The following ZPBP variants were observed in gnomAD, a reference collection of about 807,000 sequenced individuals.
ZPBP encodes the protein zona pellucida-binding protein 1.
A neutral mutation model predicts 44.8 loss-of-function variants in ZPBP; 26 were observed. That is an observed-to-expected ratio of 0.58 (90% CI 0.43 to 0.81). The LOEUF is 0.81. Among genes scored for constraint, ZPBP ranks in the 30% least tolerant of loss-of-function variants. The probability of loss-of-function intolerance (pLI) is 0.00; values close to 1 mark genes in which losing one functional copy is unlikely to be tolerated. For missense variants in ZPBP, 409 were observed against 434.0 expected, an observed-to-expected ratio of 0.94 and a Z score of 0.51; for synonymous variants, 174 against 153.2, an observed-to-expected ratio of 1.14 and a Z score of -1.00.
intron 2 of ZPBP, among the ~76,000 whole-genome samples, chr7:50,083,867 T>C (rs1367509627): frequency 6.6e-6 from 1 of 152,028 alleles, no homozygotes; most frequent in Non-Finnish European, 1.5e-5. Flanking sequence ...CAAGTAATTA[T>C]TTAAAGAAAA....
At chr7:49,950,769 A>G (rs1795307045) in intron 7 of ZPBP, among the ~76,000 whole-genome samples, 1 of 151,836 alleles carries the variant, frequency 6.6e-6, no homozygotes. Context: ...AGAAACAAAT[A>G]TAATTGCAAG....
At chr7:50,039,424 CA>C (rs909991195) in intron 4 of ZPBP, among the ~76,000 whole-genome samples, 3 of 151,062 alleles carry the variant, frequency 2.0e-5, no homozygotes, top group African/African-American at 4.9e-5. Flanking sequence ...AATCTACATG[CA>C]AAAAAAACAA....
At chr7:49,854,695 T>C (rs547819505) in intron 2 of ZPBP, among the ~76,000 whole-genome samples, 1 of 152,382 alleles carries the variant, frequency 6.6e-6, no homozygotes, top group African/African-American at 2.4e-5. Context: ...TTTCTTTTGC[T>C]GTGCAGAAGC....
At chr7:50,085,104 G>A (rs1802569535) in intron 2 of ZPBP, among the ~76,000 whole-genome samples, 1 of 152,048 alleles carries the variant, frequency 6.6e-6, no homozygotes, top group Non-Finnish European at 1.5e-5. Flanking sequence ...TCATCAGGCT[G>A]AGTACAAATC....
chr7:49,857,066 TAAC>T (rs1790456753), intron 2 of ZPBP, among the ~76,000 whole-genome samples: 1 of 143,166 alleles, frequency 7.0e-6, no homozygotes, highest in South Asian at 2.2e-4. Context: ...TCTACCTTCT[TAAC>T]AAATTTTTAG....
intron 5 of ZPBP, among the ~76,000 whole-genome samples, chr7:50,021,034 C>T (rs955683710): frequency 1.3e-5 from 2 of 152,024 alleles, no homozygotes; most frequent in African/African-American, 4.8e-5. Flanking sequence ...AAGAAACATA[C>T]ACACTGAAGA....
chr7:49,991,902 G>A (rs570322234), intron 6 of ZPBP, among the ~76,000 whole-genome samples: 1 of 151,898 alleles, frequency 6.6e-6, no homozygotes, highest in East Asian at 1.9e-4. Context: ...GAGGGTGGGA[G>A]AAAGGGAAGA....
chr7:49,866,154 C>T (rs543511324), intron 2 of ZPBP, among the ~76,000 whole-genome samples: 1 of 152,288 alleles, frequency 6.6e-6, no homozygotes, highest in Non-Finnish European at 1.5e-5. Context: ...CTAAGCCAAA[C>T]AATTCCTTCT....
intron 1 of ZPBP, among the ~76,000 whole-genome samples, chr7:49,930,857 T>C (rs1033098176): frequency 3.3e-5 from 5 of 152,238 alleles, no homozygotes; most frequent in Non-Finnish European, 7.3e-5. Flanking sequence ...CTTAACCATA[T>C]GATTTGGTTT....
chr7:49,954,764 C>CAATAAT lies in ZPBP; in HGVS notation c.962-17148_962-17143dup, dbSNP rs555096262. On this transcript the variant is annotated intron_variant, in intron 7 of 7. Coordinates refer to ENST00000046087, the MANE Select transcript of ZPBP (RefSeq NM_007009.3). ...CTAAAAGGAGAAATAGACAAATTCACAATAATAGCTAGGAATTTCAAACAT... is the reference window on the plus strand; with the variant it reads ...CTAAAAGGAGAAATAGACAAATTCACAATAATAATAATAGCTAGGAATTTCAAACAT... Among the ~76,000 whole-genome samples the CAATAAT allele has an allele frequency of 4.5e-3, 684 of 152,146 alleles. 3 individuals are homozygous for CAATAAT. Among genetic ancestry groups the CAATAAT allele is most frequent in the African/African-American group, 0.016 (647 of 41,532 alleles).
chr7:49,932,703 G>T (rs948508391), downstream of ZPBP, among the ~76,000 whole-genome samples: 7 of 152,100 alleles, frequency 4.6e-5, no homozygotes, highest in Non-Finnish European at 1.0e-4. Flanking sequence ...ATGAGATTTG[G>T]GAGGGGTCAC....
At position 50,089,390 on chromosome 7, in the gene ZPBP, G is replaced by C. The variant is rs114539143; in HGVS notation, c.208+239C>G. Among the ~76,000 whole-genome samples the C allele has an allele frequency of 4.6e-3, 692 of 151,952 alleles. 2 individuals are homozygous for C. The highest frequency in any genetic ancestry group is 0.016 in the African/African-American group (672 of 41,482). ...TTATTATATAATAAAAATCCACACA[G>C]GCAACTTTAGATAACTTTTAGAAAT... On this transcript the variant is annotated intron_variant, in intron 2 of 7. Transcript: ENST00000046087.
At chr7:49,893,498 T>C (rs1426128705) in intron 2 of ZPBP, among the ~76,000 whole-genome samples, 1 of 152,224 alleles carries the variant, frequency 6.6e-6, no homozygotes, top group Non-Finnish European at 1.5e-5. Context: ...TCATTTGAAC[T>C]CTTAGTTAAA....
chr7:50,043,676 G>A (rs1313519100), intron 4 of ZPBP, among the ~76,000 whole-genome samples: 1 of 152,138 alleles, frequency 6.6e-6, no homozygotes, highest in Non-Finnish European at 1.5e-5. Context: ...GATTCATAAA[G>A]CAAGTTCTTA....
chr7:50,031,734 A>G (rs963603289), intron 4 of ZPBP, among the ~76,000 whole-genome samples: 2 of 152,138 alleles, frequency 1.3e-5, no homozygotes, highest in African/African-American at 2.4e-5. Flanking sequence ...GAAGAAATTA[A>G]AGTCATATAA....
At chr7:49,886,965 G>A (rs762736983) in intron 2 of ZPBP, among the ~76,000 whole-genome samples, 12 of 151,208 alleles carry the variant, frequency 7.9e-5, no homozygotes, top group Non-Finnish European at 1.5e-5. Context: ...GACTTGTCTT[G>A]TTTGCCTTTA....
intron 6 of ZPBP, among the ~76,000 whole-genome samples, chr7:49,987,519 G>A (rs897191488): frequency 1.3e-5 from 2 of 152,094 alleles, no homozygotes; most frequent in African/African-American, 4.8e-5. Flanking sequence ...GGAATTAGAG[G>A]TGGCTAGATC....
At position 50,018,384 on chromosome 7, in the gene ZPBP, G is replaced by A. The variant is rs576605340; in HGVS notation, c.707-68C>T. On this transcript the variant is annotated intron_variant, in intron 5 of 7. Transcript: ENST00000046087. ...TGTCACAATATTTAAATTGGATTTT[G>A]AAAAATGAAAGGATATTCTAACATT... The A allele has an allele frequency of 7.2e-4, 883 of 1,221,018 alleles. 2 individuals carry two copies. The highest frequency in any genetic ancestry group is 7.9e-4 in the Non-Finnish European group (674 of 848,738). The allele number at this position is 1,221,018 out of a possible 1,614,324, so 75.6% of individuals were successfully genotyped here. A position where few individuals can be genotyped will look rare whatever the true frequency, so the allele number is the denominator to read the frequency against.
At chr7:49,886,799 C>T (rs1198766037) in intron 2 of ZPBP, among the ~76,000 whole-genome samples, 1 of 152,218 alleles carries the variant, frequency 6.6e-6, no homozygotes, top group African/African-American at 2.4e-5. Context: ...CTTTGACACA[C>T]AACACTTTGG....
Sources: allele counts gnomAD v4.1 joint callset (sites outside exome capture counted in the v4.1 genomes callset), GRCh38; gene constraint gnomAD v4.1.1; transcripts MANE v1.5; gene names NCBI Gene and HGNC (gene_info 2026-07-23, HGNC 2026-07-21).